The following COBLL1 variants were observed in gnomAD, a reference collection of about 807,000 sequenced individuals.
COBLL1 encodes the protein cordon-bleu WH2 repeat protein like 1, also known as cordon-bleu protein-like 1.
Under a neutral mutation model 94.8 loss-of-function variants are expected in COBLL1, and 50 were observed. The observed-to-expected ratio is 0.53, with a 90% CI of 0.42 to 0.67. COBLL1 has a LOEUF of 0.67. COBLL1 is among the 30% of genes least tolerant of loss of function. The pLI, the probability that COBLL1 is intolerant of heterozygous loss-of-function variation, is 0.00. For missense variants in COBLL1, 1,362 were observed against 1,348.7 expected, an observed-to-expected ratio of 1.01 and a Z score of -0.15; for synonymous variants, 448 against 473.8, an observed-to-expected ratio of 0.95 and a Z score of 0.71.
chr2:164,695,857 A>G, intron 11 of COBLL1, 21 bp from the exon 12 acceptor site: 3 of 1,512,960 alleles, frequency 2.0e-6, no homozygotes, highest in South Asian at 1.3e-5. Context: ...AAAATCATCA[A>G]GTTAAATATA....
intron 2 of COBLL1, among the ~76,000 whole-genome samples, chr2:164,767,539 C>T (rs1053348720): frequency 6.6e-6 from 1 of 152,020 alleles, no homozygotes; most frequent in African/African-American, 2.4e-5. Flanking sequence ...TTTAAATGTA[C>T]CCACTGATGG....
intron 2 of COBLL1, among the ~76,000 whole-genome samples, chr2:164,659,214 T>C (rs1239437607): frequency 6.6e-6 from 1 of 152,130 alleles, no homozygotes; most frequent in Non-Finnish European, 1.5e-5. Context: ...TGAGCACTAG[T>C]TCCTGGAGTG....
intron 2 of COBLL1, among the ~76,000 whole-genome samples, chr2:164,749,693 T>G (rs917771838): frequency 6.6e-6 from 1 of 152,204 alleles, no homozygotes; most frequent in African/African-American, 2.4e-5. Flanking sequence ...TTTTTCTTGA[T>G]GAGCCTAATT....
Position 164,681,180 on chromosome 2 carries a change from T to C in COBLL1, c.*4766A>G, listed in dbSNP as rs1011083433. The C allele has an allele frequency of 1.2e-4, 18 of 152,256 alleles. No individual in the cohort carries two copies. The highest frequency in any genetic ancestry group is 2.0e-4 in the Admixed American group (3 of 15,274). 9.4% of individuals were successfully genotyped at this position (152,256 alleles called of 1,614,324 possible). A position where few individuals can be genotyped will look rare whatever the true frequency, so the allele number is the denominator to read the frequency against. On this transcript the variant is annotated 3_prime_UTR_variant, in exon 14 of 14. Coordinates refer to ENST00000652658, the MANE Select transcript of COBLL1 (RefSeq NM_001365672.2). ...CACCTATTGCCACATTAATGCTGTA[T>C]ATAAACCAACCACAAACCTTGGTGG...
At chr2:164,803,456 T>C (rs1377163792) in intron 2 of COBLL1, among the ~76,000 whole-genome samples, 1 of 150,136 alleles carries the variant, frequency 6.7e-6, no homozygotes, top group Non-Finnish European at 1.5e-5. Flanking sequence ...TCCCAGCTAC[T>C]TGGGAGGCCG....
At chr2:164,768,995 G>A (rs1439243201) in intron 2 of COBLL1, among the ~76,000 whole-genome samples, 1 of 152,134 alleles carries the variant, frequency 6.6e-6, no homozygotes, top group African/African-American at 2.4e-5. Context: ...ATTAGCGAAT[G>A]GAAGCTGACT....
chr2:164,745,150 C>T (rs577977721), intron 2 of COBLL1, among the ~76,000 whole-genome samples: 1 of 152,228 alleles, frequency 6.6e-6, no homozygotes, highest in East Asian at 1.9e-4. Context: ...AAATATATAA[C>T]ATCCACCTAT....
upstream of COBLL1, chr2:164,841,976 C>T (rs1683649418): frequency 7.1e-6 from 11 of 1,539,750 alleles, no homozygotes; most frequent in Non-Finnish European, 9.6e-6. The surrounding 1 kb of genome is among the most constrained non-coding windows in gnomAD (Gnocchi z 5.5). Flanking sequence ...TTTCCCTGCC[C>T]GGAGTCCGGG....
At chr2:164,724,263 CTCG>C (rs1685608251) in intron 5 of COBLL1, 1 of 152,096 alleles carries the variant, frequency 6.6e-6, no homozygotes, top group South Asian at 2.1e-4. Flanking sequence ...AAAAAAATAA[CTCG>C]TTGTTACATG....
chr2:164,738,243 A>G (rs1686416122), intron 3 of COBLL1: 1 of 152,188 alleles, frequency 6.6e-6, no homozygotes, highest in South Asian at 2.1e-4. Context: ...ATTCGTGTCA[A>G]TCTTTTCAGA....
intron 7 of COBLL1, among the ~76,000 whole-genome samples, chr2:164,715,447 AG>A (rs1685116324): frequency 6.6e-6 from 1 of 152,100 alleles, no homozygotes; most frequent in African/African-American, 2.4e-5. Flanking sequence ...AAATCTAAAA[AG>A]GGGGATGTTT....
intron 2 of COBLL1, among the ~76,000 whole-genome samples, chr2:164,763,521 C>G (rs355839): frequency 0.23 from 35,586 of 151,990 alleles, 4,819 homozygotes; most frequent in African/African-American, 0.37. Flanking sequence ...ATGGCTTATG[C>G]GAAAGGTTAG....
At chr2:164,800,664 A>G (rs922879571) in intron 2 of COBLL1, 20 of 659,414 alleles carry the variant, frequency 3.0e-5, no homozygotes, top group South Asian at 5.1e-5. Context: ...CTGGTATTCA[A>G]TGGGTGAATG....
chr2:164,685,858 C>A lies in COBLL1; in HGVS notation c.*88G>T. On this transcript the variant is annotated 3_prime_UTR_variant, in exon 14 of 14. Coordinates refer to ENST00000652658, the MANE Select transcript of COBLL1 (RefSeq NM_001365672.2). ...TTTTAATAGATAATATATTAGTGTA[C>A]ATCTGAATATACATTTGCCAAAATG... is the stretch of plus-strand genomic sequence containing the variant. The A allele has an allele frequency of 1.5e-6, 1 of 645,998 alleles. No individual in the cohort carries two copies. 40.0% of individuals were successfully genotyped at this position (645,998 alleles called of 1,614,324 possible).
chr2:164,754,947 G>A (rs180882340), intron 2 of COBLL1, among the ~76,000 whole-genome samples: 2 of 152,162 alleles, frequency 1.3e-5, no homozygotes, highest in African/African-American at 2.4e-5. Context: ...CCCATGGCAG[G>A]AGGATCACTT....
rs773360766 is a variant in COBLL1, at chr2:164,695,158, G to A, written c.2234C>T (p.Ser745Leu). The change falls in exon 12 of 14, where the codon TCG becomes TTG. Residue 745 changes from serine to leucine, a missense_variant. Transcript: ENST00000652658. ...TATGGTTTCTGATTGCCAGTCTTTC[G>A]ATATTTCCAAGGATTTGGGAGGCAC... The part of the protein sequence containing the change: ...KIVPPKSLEI[S>L]KDWQSETIEY... 23 of 1,613,726 alleles carry A rather than the reference G, an allele frequency of 1.4e-5. No homozygotes were observed. Among genetic ancestry groups the A allele is most frequent in the Middle Eastern group, 3.3e-4 (2 of 6,084 alleles).
intron 2 of COBLL1, among the ~76,000 whole-genome samples, chr2:164,836,289 A>G (rs1683314403): frequency 6.6e-6 from 1 of 152,176 alleles, no homozygotes; most frequent in Admixed American, 6.5e-5. Flanking sequence ...TATGTTACAC[A>G]TTACTTTGAA....
At chr2:164,660,289 C>T (rs1181358970) in intron 2 of COBLL1, among the ~76,000 whole-genome samples, 1 of 152,000 alleles carries the variant, frequency 6.6e-6, no homozygotes, top group African/African-American at 2.4e-5. Context: ...GTTTTAATGC[C>T]GTAAGTAAAC....
chr2:164,782,511 C>T lies in COBLL1; in HGVS notation c.42-38636G>A, dbSNP rs145466045. Among the ~76,000 whole-genome samples, 22 of 151,960 alleles carry T rather than the reference C, an allele frequency of 1.4e-4. No homozygotes were observed. In the East Asian group the frequency reaches 3.7e-3, roughly 25 times the overall value. On this transcript the variant is annotated intron_variant, in intron 2 of 13. Coordinates refer to ENST00000652658, the MANE Select transcript of COBLL1 (RefSeq NM_001365672.2). ...AAAGAAAAAGCAGATTAGTAGATGC[C>T]AGGGGCTGAGGAAGAAAGGGAATGG...
Sources: gnomAD v4.1 joint callset for allele counts (sites outside exome capture counted in the v4.1 genomes callset) on GRCh38, gnomAD v4.1.1 for gene constraint, Gnocchi (gnomAD v3.1) non-coding constraint, MANE v1.5 for transcripts, NCBI Gene and HGNC (gene_info 2026-07-23, HGNC 2026-07-21) for gene names.